LRRC4C: variants seen among roughly 807,000 people sequenced by gnomAD.
LRRC4C encodes the protein leucine-rich repeat-containing protein 4C.
In LRRC4C, 5 loss-of-function variants were observed where a neutral mutation model predicts 33.6. That is an observed-to-expected ratio of 0.15 (90% CI 0.08 to 0.31). The LOEUF (loss-of-function observed/expected upper bound fraction) is 0.31, where lower values mean the gene tolerates loss of function less well. Among genes scored for constraint, LRRC4C ranks in the 10% least tolerant of loss-of-function variants. The probability of loss-of-function intolerance (pLI) is 1.00; values close to 1 mark genes in which losing one functional copy is unlikely to be tolerated. For synonymous variants in LRRC4C, 329 were observed against 302.0 expected (o/e 1.09, Z -0.93); for missense variants, 560 against 796.7 (o/e 0.70, Z 3.58).
At chr11:41,112,570 G>A (rs1306531505) in intron 1 of LRRC4C, among the ~76,000 whole-genome samples, 2 of 151,978 alleles carry the variant, frequency 1.3e-5, no homozygotes, top group Non-Finnish European at 2.9e-5. Context: ...CCCTCTTCTT[G>A]TTCCTTTAAA....
intron 2 of LRRC4C, among the ~76,000 whole-genome samples, chr11:40,795,409 A>G (rs1465351019): frequency 6.6e-6 from 1 of 152,162 alleles, no homozygotes; most frequent in Non-Finnish European, 1.5e-5. Context: ...GGGTGCCTGT[A>G]GTCCCAGCTA....
chr11:40,588,687 C>G (rs954638107), intron 3 of LRRC4C, among the ~76,000 whole-genome samples: 5 of 152,084 alleles, frequency 3.3e-5, no homozygotes, highest in South Asian at 2.1e-4. Context: ...TCTTTGTTCT[C>G]GTTGGTTTCA....
chr11:40,115,712 T>C lies in LRRC4C; in HGVS notation c.581A>G (p.Glu194Gly). The change falls in exon 7 of 7, where the codon GAA becomes GGA. Residue 194 changes from glutamate to glycine, a missense_variant. Physicochemically the swap from Glu to Gly is moderately conservative, Grantham distance 98. Around this residue, in one of 3 missense-constraint regions of LRRC4C, gnomAD observed 455 missense variants for 643.8 expected, o/e 0.71. Coordinates refer to ENST00000528697, the MANE Select transcript of LRRC4C (RefSeq NM_001258419.2). The surrounding 1 kb of genome is among the most constrained non-coding windows in gnomAD (Gnocchi z 6.7). ...CAAATACCTCAAGTTGGACAGACCT[T>C]CAAAGGCACCTTCTGAGATGTATGA... The part of the protein sequence containing the change: ...RLSYISEGAF[E>G]GLSNLRYLNL... The C allele has an allele frequency of 6.2e-7, 1 of 1,614,168 alleles. No homozygotes were observed. Among genetic ancestry groups the C allele is most frequent in the South Asian group, 1.1e-5 (1 of 91,074 alleles).
intron 1 of LRRC4C, among the ~76,000 whole-genome samples, chr11:40,993,314 G>A (rs959332739): frequency 2.0e-5 from 3 of 152,074 alleles, no homozygotes; most frequent in African/African-American, 7.2e-5. Context: ...TCAAATAAAT[G>A]AACTTCAGTT....
intron 1 of LRRC4C, among the ~76,000 whole-genome samples, chr11:41,068,400 A>G (rs909730914): frequency 1.3e-5 from 2 of 151,582 alleles, no homozygotes; most frequent in African/African-American, 4.8e-5. Flanking sequence ...CCTCCCCCCA[A>G]CAAAAAAAAA....
At chr11:40,443,823 A>G (rs1951504628) in intron 3 of LRRC4C, among the ~76,000 whole-genome samples, 1 of 152,206 alleles carries the variant, frequency 6.6e-6, no homozygotes, top group Non-Finnish European at 1.5e-5. Flanking sequence ...TTCCAGTGAC[A>G]TTCACATTTT....
intron 1 of LRRC4C, among the ~76,000 whole-genome samples, chr11:41,117,186 G>A (rs1229411735): frequency 6.6e-6 from 1 of 152,142 alleles, no homozygotes; most frequent in Non-Finnish European, 1.5e-5. Context: ...GCAGTTGACT[G>A]CTGACAGGTG....
At chr11:40,540,560 C>T (rs1956664955) in intron 3 of LRRC4C, among the ~76,000 whole-genome samples, 1 of 152,002 alleles carries the variant, frequency 6.6e-6, no homozygotes, top group Admixed American at 6.6e-5. Flanking sequence ...TCCCTGCTGC[C>T]CTGACACCTC....
intron 2 of LRRC4C, among the ~76,000 whole-genome samples, chr11:40,753,334 T>G (rs1948788834): frequency 6.6e-6 from 1 of 151,800 alleles, no homozygotes; most frequent in Admixed American, 6.6e-5. Flanking sequence ...ATGGATACCC[T>G]CAAATACCCT....
intron 1 of LRRC4C, among the ~76,000 whole-genome samples, chr11:41,376,642 T>A (rs1313488452): frequency 6.6e-6 from 1 of 152,200 alleles, no homozygotes; most frequent in Non-Finnish European, 1.5e-5. Context: ...GAAGTATTGT[T>A]AGCGATGTAA....
chr11:40,319,861 G>A (rs2136839715), intron 3 of LRRC4C, 140 bp from the exon 4 acceptor site: 1 of 152,172 alleles, frequency 6.6e-6, no homozygotes, highest in African/African-American at 2.4e-5. Context: ...TTTCATACAT[G>A]TGTGTGTTAC....
intron 3 of LRRC4C, among the ~76,000 whole-genome samples, chr11:40,576,729 A>G (rs994373021): frequency 6.6e-6 from 1 of 152,220 alleles, no homozygotes; most frequent in Non-Finnish European, 1.5e-5. Context: ...CAAAATAATT[A>G]GTGTAATTAT....
At chr11:40,805,425 T>A (rs1209890670) in intron 2 of LRRC4C, among the ~76,000 whole-genome samples, 1 of 152,216 alleles carries the variant, frequency 6.6e-6, no homozygotes, top group Non-Finnish European at 1.5e-5. Flanking sequence ...TGACAGCCAT[T>A]CATTGTTTAA....
At chr11:41,327,611 G>T (rs923874469) in intron 1 of LRRC4C, among the ~76,000 whole-genome samples, 1 of 152,130 alleles carries the variant, frequency 6.6e-6, no homozygotes, top group Admixed American at 6.5e-5. Flanking sequence ...CAGGAGGAAT[G>T]TTAGTGATAT....
intron 1 of LRRC4C, among the ~76,000 whole-genome samples, chr11:41,268,883 A>T (rs943527442): frequency 2.6e-5 from 4 of 151,988 alleles, no homozygotes; most frequent in African/African-American, 9.7e-5. Flanking sequence ...AAAAAAACAC[A>T]GAAAAAGACA....
intron 1 of LRRC4C, among the ~76,000 whole-genome samples, chr11:41,211,411 T>C (rs1946816562): frequency 6.6e-6 from 1 of 152,140 alleles, no homozygotes; most frequent in Non-Finnish European, 1.5e-5. Context: ...ACACGTGCCA[T>C]GTTGGTGTGC....
At chr11:41,235,343 CGT>C (rs1947974372) in intron 1 of LRRC4C, among the ~76,000 whole-genome samples, 1 of 152,008 alleles carries the variant, frequency 6.6e-6, no homozygotes, top group South Asian at 2.1e-4. Context: ...TTTCCATTTG[CGT>C]AGTTACTTTG....
intron 3 of LRRC4C, among the ~76,000 whole-genome samples, chr11:40,403,654 T>C (rs562662858): frequency 6.6e-6 from 1 of 152,278 alleles, no homozygotes; most frequent in South Asian, 2.1e-4. Context: ...TCAATTTTTT[T>C]TCTGTTCCTT....
chr11:40,579,197 A>G (rs11035937), intron 3 of LRRC4C, among the ~76,000 whole-genome samples: 46,393 of 151,984 alleles, frequency 0.31, 7,203 homozygotes, highest in Middle Eastern at 0.39. Context: ...ATTAGCCTGG[A>G]TGATGGCATG....
Sources: gnomAD v4.1 joint callset for allele counts (sites outside exome capture counted in the v4.1 genomes callset) on GRCh38, gnomAD v4.1.1 for gene constraint, gnomAD v4.1.1 regional missense constraint, Gnocchi (gnomAD v3.1) non-coding constraint, MANE v1.5 for transcripts, NCBI Gene and HGNC (gene_info 2026-07-23, HGNC 2026-07-21) for gene names.